MAPRE2: variants seen among roughly 807,000 people sequenced by gnomAD.
MAPRE2 encodes microtubule-associated protein RP/EB family member 2.
In MAPRE2, 13 loss-of-function variants were observed where a neutral mutation model predicts 43.2. The ratio of observed to expected loss-of-function variants is 0.30; its 90% confidence interval spans 0.20 to 0.48. MAPRE2 has a LOEUF of 0.48. Among genes scored for constraint, MAPRE2 ranks in the 20% least tolerant of loss-of-function variants. The probability of loss-of-function intolerance (pLI) is 0.99; values close to 1 mark genes in which losing one functional copy is unlikely to be tolerated. For missense variants in MAPRE2, 161 were observed against 400.2 expected (o/e 0.40, Z 5.10); for synonymous variants, 135 against 148.8 (o/e 0.91, Z 0.68).
At chr18:35,076,585 G>A (rs1336976191) in intron 2 of MAPRE2, among the ~76,000 whole-genome samples, 1 of 152,132 alleles carries the variant, frequency 6.6e-6, no homozygotes, top group East Asian at 1.9e-4. Context: ...AGGCTAGGGG[G>A]GCCTTTGTCT....
intron 5 of MAPRE2, among the ~76,000 whole-genome samples, chr18:35,129,584 C>G (rs1910056994): frequency 1.3e-5 from 2 of 152,174 alleles, no homozygotes; most frequent in South Asian, 4.1e-4. Flanking sequence ...GGGACTCGTT[C>G]TGTATAGTGG....
chr18:35,140,347 C>T lies in MAPRE2; in HGVS notation c.962C>T (p.Pro321Leu), dbSNP rs1319659059. 1 of 1,613,478 alleles carries T rather than the reference C, an allele frequency of 6.2e-7. No individual in the cohort carries two copies. The highest frequency in any genetic ancestry group is 8.5e-7 in the Non-Finnish European group (1 of 1,179,824). ...EAEEQAHEQQ[P>L]PQQEEY is the part of the protein sequence containing the mutation. ...GAGGAGCAAGCCCACGAACAGCAGCCCCCGCAGCAGGAAGAGTACTGACCC... is the reference window on the plus strand; with the variant it reads ...GAGGAGCAAGCCCACGAACAGCAGCTCCCGCAGCAGGAAGAGTACTGACCC... The change falls in exon 7 of 7, where the codon CCC (proline) becomes CTC (leucine). Residue 321 changes from proline to leucine, a missense_variant. Coordinates refer to ENST00000300249, the MANE Select transcript of MAPRE2 (RefSeq NM_014268.4).
intron 2 of MAPRE2, among the ~76,000 whole-genome samples, chr18:35,096,343 C>T (rs540736260): frequency 1.3e-5 from 2 of 152,278 alleles, no homozygotes; most frequent in South Asian, 4.1e-4. Flanking sequence ...ATTCTTGCCA[C>T]TTGGTTTTCT....
intron 2 of MAPRE2, among the ~76,000 whole-genome samples, chr18:35,096,797 ATACT>A (rs1306963034): frequency 2.9e-5 from 3 of 104,162 alleles, no homozygotes; most frequent in African/African-American, 1.8e-4. Flanking sequence ...AGTATAAGTA[ATACT>A]TAATACTTAA....
intron 1 of MAPRE2, among the ~76,000 whole-genome samples, chr18:34,999,500 G>A (rs547774865): frequency 1.8e-4 from 28 of 152,290 alleles, no homozygotes; most frequent in Admixed American, 1.6e-3. Flanking sequence ...ACATTTGTAC[G>A]AAAAGAACTG....
intron 1 of MAPRE2, among the ~76,000 whole-genome samples, chr18:34,981,887 ATTTT>A (rs1261290510): frequency 2.9e-5 from 1 of 34,782 alleles, no homozygotes; most frequent in African/African-American, 5.9e-5. Flanking sequence ...ATTTTTATTT[ATTTT>A]TTTTTTTTTT....
chr18:34,984,109 C>A (rs749226529), intron 1 of MAPRE2, among the ~76,000 whole-genome samples: 5 of 152,116 alleles, frequency 3.3e-5, no homozygotes, highest in Non-Finnish European at 7.3e-5. Flanking sequence ...AGATTATAAT[C>A]CAGAAATTCA....
At chr18:35,114,324 A>G (rs1038747441) in intron 4 of MAPRE2, among the ~76,000 whole-genome samples, 1 of 152,230 alleles carries the variant, frequency 6.6e-6, no homozygotes, top group Non-Finnish European at 1.5e-5. Flanking sequence ...ACAGCAGAAC[A>G]TATGCTGTTG....
At chr18:35,124,509 C>T (rs909729723) in intron 4 of MAPRE2, among the ~76,000 whole-genome samples, 3 of 152,106 alleles carry the variant, frequency 2.0e-5, no homozygotes, top group African/African-American at 7.2e-5. Flanking sequence ...AGGTGCCATA[C>T]CAGAAATTCT....
At chr18:34,982,047 C>T (rs2097016686) in intron 1 of MAPRE2, among the ~76,000 whole-genome samples, 1 of 151,724 alleles carries the variant, frequency 6.6e-6, no homozygotes, top group African/African-American at 2.4e-5. Context: ...CCACACCTGG[C>T]TAATTTTATG....
intron 2 of MAPRE2, among the ~76,000 whole-genome samples, chr18:35,024,531 T>G (rs945884717): frequency 6.6e-6 from 1 of 152,000 alleles, no homozygotes; most frequent in Non-Finnish European, 1.5e-5. Context: ...TTGCTTTTAT[T>G]CAGTAAATGA....
At chr18:35,049,582 C>T (rs1188360820) in intron 1 of MAPRE2, among the ~76,000 whole-genome samples, 1 of 152,024 alleles carries the variant, frequency 6.6e-6, no homozygotes, top group Non-Finnish European at 1.5e-5. Flanking sequence ...GGACAGTGGG[C>T]GAGAGTACGT....
At chr18:34,998,045 C>T (rs893554900) in intron 1 of MAPRE2, among the ~76,000 whole-genome samples, 1 of 152,162 alleles carries the variant, frequency 6.6e-6, no homozygotes, top group African/African-American at 2.4e-5. Context: ...ATCGGCTCCA[C>T]AACTTCACTG....
chr18:35,086,432 G>A (rs1907883275), intron 2 of MAPRE2, among the ~76,000 whole-genome samples: 2 of 151,878 alleles, frequency 1.3e-5, no homozygotes, highest in South Asian at 2.1e-4. Context: ...TGACATTGGA[G>A]CAGATTAATG....
At chr18:35,087,930 A>AT (rs1480797048) in intron 2 of MAPRE2, among the ~76,000 whole-genome samples, 2 of 152,216 alleles carry the variant, frequency 1.3e-5, no homozygotes, top group Non-Finnish European at 2.9e-5. Context: ...GCGTCATTCC[A>AT]TGGCAGAAAT....
In MAPRE2 at chr18:35,030,251, T is replaced by G. The variant is rs894409700; in HGVS notation, c.-8+24698T>G. Among the ~76,000 whole-genome samples, 6 of 152,310 alleles carry G rather than the reference T, an allele frequency of 3.9e-5. No homozygotes were observed. In the East Asian group the frequency reaches 9.6e-4, roughly 24 times the overall value. On this transcript the variant is annotated intron_variant, in intron 2 of 7. Transcript: ENST00000413393. Reference sequence around the variant, plus strand: ...ATCCCTGGGTCCTTTTTATTCTCTCTGTCTCTCAGCCCTTGTATGTTTTTA... The same window carrying G: ...ATCCCTGGGTCCTTTTTATTCTCTCGGTCTCTCAGCCCTTGTATGTTTTTA...
At chr18:35,139,615 G>T (rs2144265442) in intron 6 of MAPRE2, among the ~76,000 whole-genome samples, 1 of 152,340 alleles carries the variant, frequency 6.6e-6, no homozygotes, top group East Asian at 1.9e-4. Context: ...ATGTCCCAAA[G>T]TCCTTGAGCT....
intron 2 of MAPRE2, among the ~76,000 whole-genome samples, chr18:35,085,864 A>G (rs1364441131): frequency 2.0e-5 from 3 of 152,216 alleles, no homozygotes; most frequent in African/African-American, 7.2e-5. Flanking sequence ...GAGAAGGCTC[A>G]GATCCAAAGG....
chr18:35,025,994 A>G (rs1249063994), intron 2 of MAPRE2, among the ~76,000 whole-genome samples: 3 of 152,178 alleles, frequency 2.0e-5, no homozygotes, highest in African/African-American at 4.8e-5. Context: ...AAAAACTTAG[A>G]ATTTTTGTCT....
Sources: gnomAD v4.1 joint callset for allele counts (sites outside exome capture counted in the v4.1 genomes callset) on GRCh38, gnomAD v4.1.1 for gene constraint, MANE v1.5 for transcripts, NCBI Gene and HGNC (gene_info 2026-07-23, HGNC 2026-07-21) for gene names.